The following SLC38A9 variants were observed in gnomAD, a reference collection of about 807,000 sequenced individuals.
SLC38A9 encodes neutral amino acid transporter 9.
SLC38A9 carries 48 observed loss-of-function variants against 62.3 expected under a neutral mutation model. The observed-to-expected ratio is 0.77, with a 90% CI of 0.61 to 0.98. SLC38A9 has a LOEUF of 0.98. Ranked by LOEUF, SLC38A9 falls within the 50% of genes least tolerant of loss-of-function variation. The probability of loss-of-function intolerance (pLI) is 0.00; values close to 1 mark genes in which losing one functional copy is unlikely to be tolerated. For missense variants in SLC38A9, 541 were observed against 679.8 expected, an observed-to-expected ratio of 0.80 and a Z score of 2.27; for synonymous variants, 204 against 227.7, an observed-to-expected ratio of 0.90 and a Z score of 0.94.
At position 55,637,473 on chromosome 5, in the gene SLC38A9, A is replaced by G. The variant is rs1042636397; in HGVS notation, c.1168-1816T>C. 3.9e-5 allele frequency among the ~76,000 whole-genome samples: 6 copies of G among 152,350 alleles called. No individual in the cohort carries two copies. In the East Asian group the frequency reaches 5.8e-4, roughly 15 times the overall value. On this transcript the variant is annotated intron_variant, in intron 12 of 15. Coordinates refer to ENST00000396865, the MANE Select transcript of SLC38A9 (RefSeq NM_173514.4). The stretch of plus-strand genomic sequence containing the variant: ...GCATGATATAAAGAATTTCAAGTGG[A>G]AATAAAATGTCCCTTGACATCCCTA...
chr5:55,675,193 C>G (rs1751911108), intron 3 of SLC38A9: 1 of 152,192 alleles, frequency 6.6e-6, no homozygotes, highest in Non-Finnish European at 1.5e-5. Context: ...GAAAAGCAGT[C>G]AGGAAGTGCT....
chr5:55,650,832 C>T (rs1288592964), intron 10 of SLC38A9, among the ~76,000 whole-genome samples: 1 of 152,188 alleles, frequency 6.6e-6, no homozygotes, highest in Non-Finnish European at 1.5e-5. Context: ...GCTCTTGTTG[C>T]CCACGCTGGA....
intron 12 of SLC38A9, among the ~76,000 whole-genome samples, chr5:55,640,349 T>C (rs1056085699): frequency 6.6e-6 from 1 of 152,174 alleles, no homozygotes; most frequent in Non-Finnish European, 1.5e-5. Flanking sequence ...AAAAGGTGAA[T>C]CAAATTGTAT....
chr5:55,663,773 A>G (rs1750022308), intron 8 of SLC38A9, among the ~76,000 whole-genome samples: 1 of 152,168 alleles, frequency 6.6e-6, no homozygotes, highest in African/African-American at 2.4e-5. Flanking sequence ...GGCAATAAAA[A>G]TTATAAAGCT....
chr5:55,640,168 T>C (rs1471019767), intron 12 of SLC38A9, among the ~76,000 whole-genome samples: 2 of 152,008 alleles, frequency 1.3e-5, no homozygotes, highest in African/African-American at 2.4e-5. Flanking sequence ...GTATTTTTAG[T>C]AGAGACGGGG....
intron 12 of SLC38A9, among the ~76,000 whole-genome samples, chr5:55,643,190 A>C (rs987378681): frequency 6.6e-6 from 1 of 152,128 alleles, no homozygotes; most frequent in African/African-American, 2.4e-5. Flanking sequence ...TCAGATCTTC[A>C]TTTTTAGTGT....
chr5:55,705,452 G>A (rs13177003), intron 2 of SLC38A9, among the ~76,000 whole-genome samples: 82,676 of 140,564 alleles, frequency 0.59, 25,201 homozygotes, highest in South Asian at 0.69. Context: ...AAAAAAAAAA[G>A]AAAGAAAGAA....
intron 8 of SLC38A9, among the ~76,000 whole-genome samples, chr5:55,662,290 C>G (rs1166720676): frequency 2.6e-5 from 4 of 151,950 alleles, no homozygotes; most frequent in Non-Finnish European, 5.9e-5. Context: ...ATTCATATTA[C>G]TAAATACTAT....
intron 8 of SLC38A9, among the ~76,000 whole-genome samples, chr5:55,659,974 G>A (rs1455728231): frequency 1.3e-5 from 2 of 150,256 alleles, no homozygotes; most frequent in African/African-American, 2.4e-5. Context: ...CACCGTGTTC[G>A]CCAAGATGGT....
At chr5:55,710,100 AAAG>A (rs1757821131) in intron 2 of SLC38A9, among the ~76,000 whole-genome samples, 1 of 151,320 alleles carries the variant, frequency 6.6e-6, no homozygotes, top group Non-Finnish European at 1.5e-5. Context: ...AAAAAAAGAA[AAAG>A]AAAAGAAAAG....
At chr5:55,680,954 C>T (rs1752917413) in intron 3 of SLC38A9, among the ~76,000 whole-genome samples, 1 of 152,214 alleles carries the variant, frequency 6.6e-6, no homozygotes, top group African/African-American at 2.4e-5. Flanking sequence ...ACCTGCCCTG[C>T]CAACTGGCTC....
At chr5:55,705,114 T>C (rs1757125565) in intron 2 of SLC38A9, among the ~76,000 whole-genome samples, 1 of 152,146 alleles carries the variant, frequency 6.6e-6, no homozygotes, top group African/African-American at 2.4e-5. Context: ...CTTAGCGGCC[T>C]GAACAAAATC....
chr5:55,679,510 A>G (rs1752694980), intron 3 of SLC38A9, among the ~76,000 whole-genome samples: 1 of 152,164 alleles, frequency 6.6e-6, no homozygotes, highest in African/African-American at 2.4e-5. Flanking sequence ...AAAAAAATCC[A>G]TTAATTTTTA....
chr5:55,626,438 C>A lies in SLC38A9; in HGVS notation c.*56G>T. 1 of 1,416,448 alleles carries A rather than the reference C, an allele frequency of 7.1e-7. No homozygotes were observed. Among genetic ancestry groups the A allele is most frequent in the Admixed American group, 1.9e-5 (1 of 51,388 alleles). 87.7% of individuals were successfully genotyped at this position (1,416,448 alleles called of 1,614,324 possible). On this transcript the variant is annotated 3_prime_UTR_variant, in exon 16 of 16. Transcript: ENST00000396865. The stretch of plus-strand genomic sequence containing the variant: ...CATTTACAAGTGAATTTATATAGAA[C>A]TGTTGTCAAGGCTCAAAATATCATG...
chr5:55,674,682 A>G (rs1303389468), intron 3 of SLC38A9, among the ~76,000 whole-genome samples: 1 of 152,254 alleles, frequency 6.6e-6, no homozygotes, highest in Non-Finnish European at 1.5e-5. Context: ...GCAGAATAAA[A>G]GGAACTAAGA....
chr5:55,653,448 G>A (rs542107787), intron 9 of SLC38A9, among the ~76,000 whole-genome samples: 1 of 152,230 alleles, frequency 6.6e-6, no homozygotes, highest in South Asian at 2.1e-4. Context: ...AAAGGCCAAA[G>A]AGCAGATTTC....
intron 13 of SLC38A9, 108 bp from the exon 14 acceptor site, chr5:55,634,010 T>C: frequency 2.5e-6 from 2 of 813,842 alleles, no homozygotes; most frequent in Non-Finnish European, 3.7e-6. Flanking sequence ...ACTCCGATTG[T>C]GGTTTGTGGA....
At chr5:55,659,980 A>G (rs1749201268) in intron 8 of SLC38A9, among the ~76,000 whole-genome samples, 1 of 150,130 alleles carries the variant, frequency 6.7e-6, no homozygotes, top group Admixed American at 6.6e-5. Context: ...GTTCGCCAAG[A>G]TGGTCTCGGT....
chr5:55,654,463 A>G (rs973605314), intron 9 of SLC38A9, among the ~76,000 whole-genome samples: 10 of 152,056 alleles, frequency 6.6e-5, no homozygotes, highest in African/African-American at 2.4e-4. Context: ...AAGAATAACA[A>G]AATTTTGCTG....
Sources: allele counts gnomAD v4.1 joint callset (sites outside exome capture counted in the v4.1 genomes callset), GRCh38; gene constraint gnomAD v4.1.1; transcripts MANE v1.5; gene names NCBI Gene and HGNC (gene_info 2026-07-23, HGNC 2026-07-21).